DZIP3: variants seen among roughly 807,000 people sequenced by gnomAD.
DZIP3 encodes the protein E3 ubiquitin-protein ligase DZIP3.
In DZIP3, 118 loss-of-function variants were observed where a neutral mutation model predicts 162.0. The observed-to-expected ratio is 0.73, with a 90% confidence interval of 0.63 to 0.85. DZIP3 has a LOEUF of 0.85. Among genes scored for constraint, DZIP3 ranks in the 40% least tolerant of loss-of-function variants. DZIP3 has a pLI of 0.00. For synonymous variants in DZIP3, 438 were observed against 458.6 expected, an observed-to-expected ratio of 0.96 and a Z score of 0.57; for missense variants, 1,331 against 1,407.0, an observed-to-expected ratio of 0.95 and a Z score of 0.86.
intron 8 of DZIP3, among the ~76,000 whole-genome samples, chr3:108,631,746 T>G (rs1232817689): frequency 6.6e-6 from 1 of 151,446 alleles, no homozygotes; most frequent in African/African-American, 2.4e-5. Flanking sequence ...AAACTTGATT[T>G]CATTCTGATT....
intron 31 of DZIP3, among the ~76,000 whole-genome samples, chr3:108,690,007 C>G (rs777212341): frequency 6.6e-6 from 1 of 152,180 alleles, no homozygotes; most frequent in Non-Finnish European, 1.5e-5. Context: ...AATGCCTAAT[C>G]CCAAAAGTTT....
chr3:108,637,895 T>A (rs1942230749), intron 12 of DZIP3, among the ~76,000 whole-genome samples: 1 of 152,212 alleles, frequency 6.6e-6, no homozygotes, highest in South Asian at 2.1e-4. Context: ...AATTAGAATC[T>A]TCCTGTTTCT....
chr3:108,605,581 G>A, intron 2 of DZIP3, 143 bp downstream of exon 2: 1 of 777,684 alleles, frequency 1.3e-6, no homozygotes, highest in Non-Finnish European at 2.1e-6. Context: ...TTCTCACAAG[G>A]AGTGGGCAAC....
intron 31 of DZIP3, 142 bp downstream of exon 31, chr3:108,689,066 C>A: frequency 1.3e-6 from 1 of 778,614 alleles, no homozygotes; most frequent in Non-Finnish European, 2.1e-6. Flanking sequence ...CACACAGAAA[C>A]ATTTATGCTT....
chr3:108,655,989 C>T (rs992783805), intron 19 of DZIP3, among the ~76,000 whole-genome samples: 2 of 152,188 alleles, frequency 1.3e-5, no homozygotes, highest in African/African-American at 2.4e-5. Context: ...GTAAACAAAG[C>T]GGCCGGGAAG....
chr3:108,621,057 G>T (rs986185951), intron 5 of DZIP3, among the ~76,000 whole-genome samples: 2 of 152,158 alleles, frequency 1.3e-5, no homozygotes, highest in Non-Finnish European at 1.5e-5. Context: ...TCCTGACCTT[G>T]TAATCTGCCT....
intron 4 of DZIP3, among the ~76,000 whole-genome samples, chr3:108,614,753 A>T (rs1230093122): frequency 6.6e-6 from 1 of 152,164 alleles, no homozygotes; most frequent in Non-Finnish European, 1.5e-5. Context: ...TGAATATCCC[A>T]GTTGCCTCTT....
At chr3:108,675,759 T>C (rs1432937643) in intron 24 of DZIP3, 27 bp from the exon 25 acceptor site, 1 of 1,577,818 alleles carries the variant, frequency 6.3e-7, no homozygotes, top group South Asian at 1.2e-5. Context: ...GAAAGAGTTT[T>C]CTTTTGTGTC....
At chr3:108,678,459 C>A (rs1484028654) in intron 26 of DZIP3, among the ~76,000 whole-genome samples, 4 of 151,944 alleles carry the variant, frequency 2.6e-5, no homozygotes, top group Non-Finnish European at 5.9e-5. Flanking sequence ...AATGTAATAC[C>A]CTGCATGGCT....
At chr3:108,684,745 C>T (rs894457257) in intron 27 of DZIP3, among the ~76,000 whole-genome samples, 6 of 152,174 alleles carry the variant, frequency 3.9e-5, no homozygotes, top group Middle Eastern at 3.4e-3. Context: ...TTTCCACACA[C>T]GTACACACAC....
At chr3:108,611,963 C>CA (rs10663799) in intron 4 of DZIP3, among the ~76,000 whole-genome samples, 69,661 of 141,674 alleles carry the variant, frequency 0.49, 18,051 homozygotes, top group African/African-American at 0.71. Flanking sequence ...CACTCTGTCT[C>CA]AAAAAAAAAA....
At chr3:108,656,160 A>C (rs1159422994) in intron 19 of DZIP3, among the ~76,000 whole-genome samples, 1 of 152,172 alleles carries the variant, frequency 6.6e-6, no homozygotes, top group Non-Finnish European at 1.5e-5. Context: ...TTCTCCCAGC[A>C]CGTAGCTTGA....
chr3:108,625,378 T>A (rs536286989), intron 6 of DZIP3, among the ~76,000 whole-genome samples: 1 of 152,340 alleles, frequency 6.6e-6, no homozygotes, highest in Non-Finnish European at 1.5e-5. Context: ...GCTCTAACAG[T>A]TATCAGAAAA....
At chr3:108,635,525 A>G (rs1239747205) in intron 10 of DZIP3, 1 of 150,168 alleles carries the variant, frequency 6.7e-6, no homozygotes, top group African/African-American at 2.4e-5. Flanking sequence ...TACATTATAT[A>G]TAATAGTTAT....
chr3:108,611,256 A>G lies in DZIP3; in HGVS notation c.185A>G (p.Asn62Ser). 6.2e-7 allele frequency: 1 copy of G among 1,612,668 alleles called. No individual in the cohort carries two copies. Among genetic ancestry groups the G allele is most frequent in the Non-Finnish European group, 8.5e-7 (1 of 1,179,604 alleles). The change falls in exon 4 of 33, where the codon AAT (asparagine) becomes AGT (serine). Residue 62 changes from asparagine to serine, a missense_variant. Physicochemically the swap from Asn to Ser is conservative, Grantham distance 46 (BLOSUM62 1). Around this residue, in one of 2 missense-constraint regions of DZIP3, gnomAD observed 1,278 missense variants for 1,317.1 expected, o/e 0.97. Transcript: ENST00000361582. ...LEVKKLLNAI[N>S]TLPKGVVPHI... ...GTGAAGAAGTTATTAAATGCAATTA[A>G]TACTCTACCAAAAGGTGTGGTTCCT...
chr3:108,612,344 T>C (rs938114373), intron 4 of DZIP3, among the ~76,000 whole-genome samples: 7 of 152,200 alleles, frequency 4.6e-5, no homozygotes, highest in African/African-American at 1.7e-4. Context: ...TAAGACTTTA[T>C]GCACAATTAT....
At chr3:108,599,376 A>C (rs570606508) in intron 1 of DZIP3, among the ~76,000 whole-genome samples, 2 of 152,338 alleles carry the variant, frequency 1.3e-5, no homozygotes, top group South Asian at 4.1e-4. Context: ...TTTATTTTGT[A>C]GCTTTACCAG....
intron 19 of DZIP3, among the ~76,000 whole-genome samples, chr3:108,660,437 G>A (rs1415091469): frequency 6.6e-6 from 1 of 152,184 alleles, no homozygotes; most frequent in Non-Finnish European, 1.5e-5. Context: ...CTAGCCATAT[G>A]TAGAAAGCTG....
chr3:108,649,278 T>C (rs1942763972), intron 17 of DZIP3, among the ~76,000 whole-genome samples: 1 of 151,968 alleles, frequency 6.6e-6, no homozygotes, highest in Non-Finnish European at 1.5e-5. Flanking sequence ...CTCATTGTTT[T>C]AAGAACAGCT....
Sources: gnomAD v4.1 joint callset for allele counts (sites outside exome capture counted in the v4.1 genomes callset) on GRCh38, gnomAD v4.1.1 for gene constraint, gnomAD v4.1.1 regional missense constraint, MANE v1.5 for transcripts, NCBI Gene and HGNC (gene_info 2026-07-23, HGNC 2026-07-21) for gene names.